PCDHA7: variants seen among roughly 807,000 people sequenced by gnomAD.
PCDHA7 encodes the protein protocadherin alpha 7, also known as protocadherin alpha-7.
In PCDHA7, 37 loss-of-function variants were observed where a neutral mutation model predicts 57.2. The ratio of observed to expected loss-of-function variants is 0.65; its 90% CI spans 0.50 to 0.85. The LOEUF is 0.85. PCDHA7 is among the 40% of genes least tolerant of loss of function. The pLI is 0.00. For synonymous variants in PCDHA7, 553 were observed against 558.8 expected (o/e 0.99, Z 0.15); for missense variants, 1,188 against 1,241.8 (o/e 0.96, Z 0.65).
chr5:140,984,086 A>C (rs187283969), intron 3 of PCDHA7, among the ~76,000 whole-genome samples: 1 of 152,356 alleles, frequency 6.6e-6, no homozygotes, highest in Admixed American at 6.5e-5. Flanking sequence ...GGAGTGAAGA[A>C]ATGATGGAGG....
chr5:141,011,894 TATC>T lies in PCDHA7; in HGVS notation c.*1958_*1960del, dbSNP rs1554263691. 6.5e-6 allele frequency: 1 copy of T among 153,306 alleles called. No individual in the cohort carries two copies. The highest frequency in any genetic ancestry group is 2.4e-5 in the African/African-American group (1 of 41,080). 9.5% of individuals were successfully genotyped at this position (153,306 alleles called of 1,614,324 possible). On this transcript the variant is annotated 3_prime_UTR_variant, in exon 4 of 4. Transcript: ENST00000525929. Reference sequence around the variant, plus strand: ...AATTTAGAAGTTTGATTAATTATATTATCTATTTAGGCATTAATATAAAAGAGG... The same window carrying T: ...AATTTAGAAGTTTGATTAATTATATTTATTTAGGCATTAATATAAAAGAGG...
intron 1 of PCDHA7, chr5:140,969,200 G>C (rs2096305926): frequency 1.2e-6 from 2 of 1,614,132 alleles, no homozygotes; most frequent in Non-Finnish European, 1.7e-6. Flanking sequence ...TTACAATACA[G>C]GGGCCCAGAC....
intron 1 of PCDHA7, among the ~76,000 whole-genome samples, chr5:140,945,463 A>G (rs1554216960): frequency 6.6e-6 from 1 of 152,166 alleles, no homozygotes; most frequent in African/African-American, 2.4e-5. Flanking sequence ...TAAAATTTGC[A>G]TGGAACCACA....
chr5:140,923,152 T>C (rs2153567399), intron 1 of PCDHA7, among the ~76,000 whole-genome samples: 1 of 152,204 alleles, frequency 6.6e-6, no homozygotes, highest in South Asian at 2.1e-4. Context: ...TAAAAAAAAT[T>C]ATAGAAAGAT....
At chr5:140,984,975 T>A (rs571343368) in intron 3 of PCDHA7, among the ~76,000 whole-genome samples, 1 of 152,128 alleles carries the variant, frequency 6.6e-6, no homozygotes, top group Admixed American at 6.5e-5. Flanking sequence ...TCTCGCTCTG[T>A]CCCCCAGGCT....
At chr5:140,886,501 T>C (rs1171128056) in intron 1 of PCDHA7, among the ~76,000 whole-genome samples, 1 of 152,108 alleles carries the variant, frequency 6.6e-6, no homozygotes, top group Non-Finnish European at 1.5e-5. Flanking sequence ...TCTTTTTCCT[T>C]TTATGGATTT....
intron 1 of PCDHA7, among the ~76,000 whole-genome samples, chr5:140,955,517 C>T (rs1554221970): frequency 6.6e-6 from 1 of 152,154 alleles, no homozygotes; most frequent in African/African-American, 2.4e-5. Flanking sequence ...TGTTTGCTTT[C>T]CCTTCCACCA....
chr5:140,915,410 A>G (rs2077112688), intron 1 of PCDHA7, among the ~76,000 whole-genome samples: 1 of 152,172 alleles, frequency 6.6e-6, no homozygotes, highest in Non-Finnish European at 1.5e-5. Flanking sequence ...TAGTCTTTGC[A>G]GTCTGGGCTT....
chr5:140,842,157 A>C, intron 1 of PCDHA7: 1 of 1,613,874 alleles, frequency 6.2e-7, no homozygotes, highest in Non-Finnish European at 8.5e-7. Flanking sequence ...GCAATTTCAT[A>C]TTCTTTTAAT....
At chr5:140,924,263 G>T (rs1292368780) in intron 1 of PCDHA7, among the ~76,000 whole-genome samples, 3 of 152,148 alleles carry the variant, frequency 2.0e-5, no homozygotes, top group African/African-American at 7.2e-5. Context: ...ATCTAATGAG[G>T]TCTGTACTTG....
intron 1 of PCDHA7, among the ~76,000 whole-genome samples, chr5:140,921,611 A>C (rs781805165): frequency 6.6e-6 from 1 of 152,224 alleles, no homozygotes; most frequent in Non-Finnish European, 1.5e-5. Context: ...AATAAGAAAA[A>C]TATCATCAGA....
intron 1 of PCDHA7, among the ~76,000 whole-genome samples, chr5:140,960,334 T>C (rs902345282): frequency 6.6e-6 from 1 of 152,182 alleles, no homozygotes; most frequent in African/African-American, 2.4e-5. Context: ...GAGAAGTACA[T>C]GAGGTGAGAT....
Position 141,010,123 on chromosome 5 carries a change from A to G in PCDHA7, c.*186A>G, listed in dbSNP as rs782357783. The G allele has an allele frequency of 3.7e-6, 6 of 1,605,822 alleles. No individual in the cohort carries two copies. In the East Asian group the frequency reaches 1.3e-4, roughly 36 times the overall value. On this transcript the variant is annotated 3_prime_UTR_variant, in exon 4 of 4. Transcript: ENST00000525929. ...AGGTTTTGTCGTAAAAGCTTTACTA[A>G]GTCTGGTGTTAACTCTTTCTCTCCA...
chr5:140,853,953 C>A, intron 1 of PCDHA7: 1 of 757,816 alleles, frequency 1.3e-6, no homozygotes, highest in Non-Finnish European at 1.6e-6. Flanking sequence ...AGGGTCCCTT[C>A]CTTGAGCCCA....
At chr5:140,884,104 G>A in intron 1 of PCDHA7, 3 of 1,613,464 alleles carry the variant, frequency 1.9e-6, no homozygotes, top group African/African-American at 1.3e-5. Flanking sequence ...ATGAATTGCA[G>A]CTGGCGGCGG....
Position 140,979,001 on chromosome 5 carries a change from T to C in PCDHA7, c.2408T>C (p.Met803Thr). ...WRYSASLRAG[M>T]HSSVHLEEAG... Reference sequence around the variant, plus strand: ...TACTCTGCCTCCCTGAGAGCAGGCATGCACAGGTATGTATTTCCCTCCTCA... The same window carrying C: ...TACTCTGCCTCCCTGAGAGCAGGCACGCACAGGTATGTATTTCCCTCCTCA... Residue 803 changes from methionine (M) to threonine (T), a missense_variant, in exon 2 of 4, where the codon ATG becomes ACG. By Grantham distance (81) the Met-to-Thr change is moderately conservative (BLOSUM62 -1). Transcript: ENST00000525929. 6.2e-7 allele frequency: 1 copy of C among 1,614,148 alleles called. No individual in the cohort carries two copies. Among genetic ancestry groups the C allele is most frequent in the Non-Finnish European group, 8.5e-7 (1 of 1,180,016 alleles).
intron 1 of PCDHA7, among the ~76,000 whole-genome samples, chr5:140,892,327 C>T (rs1399330185): frequency 6.6e-6 from 1 of 152,154 alleles, no homozygotes; most frequent in Non-Finnish European, 1.5e-5. Flanking sequence ...TTTCTTTCTC[C>T]AGAATGGATT....
At chr5:140,937,039 CTT>C (rs34994034) in intron 1 of PCDHA7, among the ~76,000 whole-genome samples, 9 of 140,130 alleles carry the variant, frequency 6.4e-5, no homozygotes, top group Admixed American at 7.1e-5. Context: ...TTCCATTTAT[CTT>C]TTTTTTTTTT....
chr5:140,998,755 A>G (rs940678929), intron 3 of PCDHA7, among the ~76,000 whole-genome samples: 2 of 152,062 alleles, frequency 1.3e-5, no homozygotes, highest in African/African-American at 4.8e-5. Flanking sequence ...GAAGAGACAC[A>G]GTTTCACTAT....
Sources: allele counts gnomAD v4.1 joint callset (sites outside exome capture counted in the v4.1 genomes callset), GRCh38; gene constraint gnomAD v4.1.1; transcripts MANE v1.5; gene names NCBI Gene and HGNC (gene_info 2026-07-23, HGNC 2026-07-21).